Variants in FANCA observed in about 807,000 individuals in gnomAD.
The protein encoded by FANCA is FA complementation group A.
In FANCA, 236 loss-of-function variants were observed where a neutral mutation model predicts 194.3. The observed-to-expected ratio is 1.21, with a 90% CI of 1.09 to 1.35. The LOEUF is 1.35. Ranked by LOEUF, FANCA falls within the 40% of genes most tolerant of loss-of-function variation. The pLI is 0.00. For missense variants in FANCA, 2,628 were observed against 1,813.9 expected (o/e 1.45, Z -8.15); for synonymous variants, 1,014 against 715.8 (o/e 1.42, Z -6.65).
intron 1 of FANCA, 81 bp from the exon 2 acceptor site, chr16:89,816,067 C>T: frequency 9.6e-7 from 1 of 1,040,626 alleles, no homozygotes; most frequent in Admixed American, 1.8e-5. Flanking sequence ...GTGGACGCCG[C>T]GGAGAAACCC....
At position 89,762,006 on chromosome 16, in the gene FANCA, C is replaced by T. The variant is rs1360068244; in HGVS notation, c.2795G>A (p.Trp932Ter). Residue 932 changes from tryptophan to a stop codon, truncating the protein, a stop_gained, in exon 29 of 43, where the codon TGG becomes TAG. Transcript: ENST00000389301. LOFTEE classifies it high-confidence loss of function. ...EEDVHLTYQD[W>*]LHLELEIQPE... Reference sequence around the variant, plus strand: ...TTGAATTTCCAGCTCCAGGTGTAACCAGTCTTGGTAAGTTAACTGAGAAAG... The same window carrying T: ...TTGAATTTCCAGCTCCAGGTGTAACTAGTCTTGGTAAGTTAACTGAGAAAG... 6.2e-7 allele frequency: 1 copy of T among 1,613,752 alleles called. No individual in the cohort carries two copies. Among genetic ancestry groups the T allele is most frequent in the Non-Finnish European group, 8.5e-7 (1 of 1,179,786 alleles).
chr16:89,815,283 C>G (rs1321779195), intron 2 of FANCA, among the ~76,000 whole-genome samples: 1 of 150,510 alleles, frequency 6.6e-6, no homozygotes, highest in Non-Finnish European at 1.5e-5. Flanking sequence ...GTGATCTACC[C>G]ACTTCGGCCT....
chr16:89,802,955 A>G (rs1338454025), intron 8 of FANCA, among the ~76,000 whole-genome samples: 1 of 152,168 alleles, frequency 6.6e-6, no homozygotes, highest in African/African-American at 2.4e-5. Context: ...GCTAGACAGA[A>G]GAAGTAAGTT....
rs2143331866 is a variant in FANCA at position 89,769,875 on chromosome 16, C to A, written c.2466G>T (p.Leu822=). The change falls in exon 26 of 43, where the codon CTG becomes CTT. Residue 822 remains leucine, a synonymous_variant. Transcript: ENST00000389301. ...LPVPALFDSL[L]TCRTRDSLFF... ...ACAAGGAATCCCTCGTCCTACAGGT[C>A]AGGAGGCTGTCAAAGAGCGCAGGGA... The A allele has an allele frequency of 6.2e-7, 1 of 1,614,150 alleles. No individual in the cohort carries two copies. The highest frequency in any genetic ancestry group is 1.1e-5 in the South Asian group (1 of 91,084).
Position 89,765,169 on chromosome 16 carries a change from A to G in FANCA, c.2602-103T>C, listed in dbSNP as rs887347940. The G allele has an allele frequency of 1.3e-5, 17 of 1,331,604 alleles. No individual in the cohort carries two copies. The African/African-American group carries it at 2.5e-4, about 19-fold the overall frequency. 82.5% of individuals were successfully genotyped at this position (1,331,604 alleles called of 1,614,324 possible). A position where few individuals can be genotyped will look rare whatever the true frequency, so the allele number is the denominator to read the frequency against. ...AACAGACCATCAACAGCCCACACAC[A>G]CAACCCCACATTCAGAGGACCTCAG... is the stretch of plus-strand genomic sequence containing the variant. On this transcript the variant is annotated intron_variant, in intron 27 of 42. Transcript: ENST00000389301.
intron 26 of FANCA, 42 bp downstream of exon 26, chr16:89,769,795 G>C (rs761375323): frequency 5.0e-6 from 8 of 1,605,564 alleles, no homozygotes; most frequent in Admixed American, 3.4e-5. Context: ...GTCACTTTTC[G>C]AGAGAGAGGA....
At chr16:89,752,670 T>C (rs1171816038) in intron 30 of FANCA, among the ~76,000 whole-genome samples, 1 of 152,178 alleles carries the variant, frequency 6.6e-6, no homozygotes, top group Non-Finnish European at 1.5e-5. Flanking sequence ...AACCAGGCCA[T>C]ACAGAGATAG....
At chr16:89,784,817 G>A in intron 15 of FANCA, 37 bp downstream of exon 15, 1 of 1,505,738 alleles carries the variant, frequency 6.6e-7, no homozygotes, top group Non-Finnish European at 9.3e-7. Context: ...GGTGAGCGAA[G>A]CACCAGAAAT....
At chr16:89,778,348 C>A in intron 20 of FANCA, 3 of 367,510 alleles carry the variant, frequency 8.2e-6, no homozygotes, top group Non-Finnish European at 1.6e-5. Flanking sequence ...TACCTATAAT[C>A]CCAGCTACTC....
At position 89,765,039 on chromosome 16, in the gene FANCA, A is replaced by G. The variant is rs1322274178; in HGVS notation, c.2629T>C (p.Ser877Pro). The change falls in exon 28 of 43, where the codon TCA becomes CCA. Residue 877 changes from serine to proline, a missense_variant. Physicochemically the swap from Ser to Pro is moderately conservative, Grantham distance 74 (BLOSUM62 -1). Transcript: ENST00000389301. ...TCAGAAAGAGGCTGTCGGGCCTCTGAGAACAATCTGAACATGAGGAACTGA... is the reference window on the plus strand; with the variant it reads ...TCAGAAAGAGGCTGTCGGGCCTCTGGGAACAATCTGAACATGAGGAACTGA... ...KFQFLMFRLF[S>P]EARQPLSEED... 3.1e-6 allele frequency: 5 copies of G among 1,614,260 alleles called. No individual in the cohort carries two copies. In the Middle Eastern group the frequency reaches 4.9e-4, roughly 160 times the overall value.
intron 35 of FANCA, among the ~76,000 whole-genome samples, chr16:89,746,166 C>T (rs535243919): frequency 4.6e-5 from 7 of 152,264 alleles, no homozygotes; most frequent in Admixed American, 6.5e-5. Flanking sequence ...GTCTCTGCTC[C>T]GAAGTCCCAA....
chr16:89,749,759 C>G lies in FANCA; in HGVS notation c.3210G>C (p.Gln1070His). 6.2e-7 allele frequency: 1 copy of G among 1,614,206 alleles called. No individual in the cohort carries two copies. The change falls in exon 32 of 43, where the codon CAG (glutamine) becomes CAC (histidine). Residue 1070 changes from glutamine to histidine, a missense_variant. Coordinates refer to ENST00000389301, the MANE Select transcript of FANCA (RefSeq NM_000135.4). ...TSGWSVAASL[Q>H]RQRELLMYKR... The stretch of plus-strand genomic sequence containing the variant: ...TGTACATTAGCAGCTCCCTCTGTCT[C>G]TGAAGGCTGGCAGCCACGCTCCACC...
rs1244511322 is a variant in FANCA, at chr16:89,782,904, G to A, written c.1581C>T (p.Asn527=). The change falls in exon 17 of 43, where the codon AAC becomes AAT. Residue 527 remains asparagine (N), a synonymous_variant. Transcript: ENST00000389301. ...RLADLKVSIE[N]MGLYEDLSSA... ...ATGACAAATCCTCGTAGAGTCCCAT[G>A]TTTTCTATAGAAACCTTCAGGGAAG... 5 of 1,614,110 alleles carry A rather than the reference G, an allele frequency of 3.1e-6. No individual in the cohort carries two copies. Among genetic ancestry groups the A allele is most frequent in the Middle Eastern group, 1.6e-4 (1 of 6,062 alleles).
At chr16:89,792,134 C>A (rs1292441990) in intron 12 of FANCA, 66 bp from the exon 13 acceptor site, 2 of 1,599,900 alleles carry the variant, frequency 1.3e-6, no homozygotes, top group Non-Finnish European at 1.7e-6. Context: ...TGACCCCTCA[C>A]CTTCCTCCCA....
intron 17 of FANCA, 21 bp downstream of exon 17, chr16:89,782,838 G>T: frequency 6.2e-7 from 1 of 1,609,352 alleles, no homozygotes; most frequent in East Asian, 2.2e-5. Flanking sequence ...CTGAGACCCT[G>T]CAGGGCTCAA....
intron 10 of FANCA, chr16:89,798,576 G>C (rs1334056571): frequency 1.9e-5 from 22 of 1,143,184 alleles, no homozygotes; most frequent in Non-Finnish European, 2.4e-5. Flanking sequence ...GCAAACCCCA[G>C]AGCCCCATTT....
rs17226323 is a variant in FANCA, at chr16:89,782,625, C to A, written c.1626+234G>T. Among the ~76,000 whole-genome samples, 147 of 152,292 alleles carry A rather than the reference C, an allele frequency of 9.7e-4. 1 individual carries two copies. In the South Asian group the frequency reaches 0.029, roughly 30 times the overall value. ...TCCCAAAAGGACAAATGTCCTGCAGCCTGAGGCACTTCACTCTGCCACACA... is the reference window on the plus strand; with the variant it reads ...TCCCAAAAGGACAAATGTCCTGCAGACTGAGGCACTTCACTCTGCCACACA... On this transcript the variant is annotated intron_variant, in intron 17 of 42. Coordinates refer to ENST00000389301, the MANE Select transcript of FANCA (RefSeq NM_000135.4).
chr16:89,739,876 T>C (rs767237273), intron 39 of FANCA, 118 bp downstream of exon 39: 3 of 1,552,792 alleles, frequency 1.9e-6, no homozygotes, highest in East Asian at 2.3e-5. Flanking sequence ...CCAACTAAAA[T>C]GGAGCTTATA....
intron 30 of FANCA, among the ~76,000 whole-genome samples, chr16:89,752,936 T>G (rs544138058): frequency 4.1e-4 from 62 of 152,250 alleles, no homozygotes; most frequent in African/African-American, 1.4e-3. Context: ...CCACCTCTTG[T>G]GGAGGGCCTG....
Sources: allele counts gnomAD v4.1 joint callset (sites outside exome capture counted in the v4.1 genomes callset), GRCh38; gene constraint gnomAD v4.1.1; transcripts MANE v1.5; gene names NCBI Gene and HGNC (gene_info 2026-07-23, HGNC 2026-07-21).